Variants in EFL1 observed in about 807,000 individuals in gnomAD.
EFL1 encodes elongation factor-like GTPase 1.
In EFL1, 76 loss-of-function variants were observed where a neutral mutation model predicts 126.7. The observed-to-expected ratio is 0.60, with a 90% CI of 0.50 to 0.73. The LOEUF is 0.73. EFL1 is among the 30% of genes least tolerant of loss of function. The pLI is 0.00. For synonymous variants in EFL1, 410 were observed against 448.4 expected (o/e 0.91, Z 1.08); for missense variants, 1,128 against 1,343.2 (o/e 0.84, Z 2.50).
rs2074895846 is a variant in EFL1, at chr15:82,238,377, A to G, written c.661T>C (p.Ser221Pro). The G allele has an allele frequency of 5.0e-6, 8 of 1,614,216 alleles. No homozygotes were observed. The highest frequency in any genetic ancestry group is 6.8e-6 in the Non-Finnish European group (8 of 1,180,050). The change falls in exon 7 of 20, where the codon TCT becomes CCT. Residue 221 changes from serine to proline, a missense_variant. Ser to Pro is a moderately conservative substitution (Grantham distance 74). Transcript: ENST00000268206. ...TGTTCTGGAGAGAAGTAAAGGTGAGAATCATCTGTGTCCTCCAAGCCAGTG... is the reference window on the plus strand; with the variant it reads ...TGTTCTGGAGAGAAGTAAAGGTGAGGATCATCTGTGTCCTCCAAGCCAGTG... The part of the protein sequence containing the change: ...WSTGLEDTDD[S>P]HLYFSPEQGN...
At chr15:82,146,506 C>A (rs1427666349) in intron 18 of EFL1, among the ~76,000 whole-genome samples, 2 of 150,084 alleles carry the variant, frequency 1.3e-5, no homozygotes, top group African/African-American at 4.9e-5. Flanking sequence ...ACCCTGGACA[C>A]TAGAAATTGG....
chr15:82,150,702 T>C (rs1461888244), intron 18 of EFL1, among the ~76,000 whole-genome samples: 1 of 152,178 alleles, frequency 6.6e-6, no homozygotes, highest in Non-Finnish European at 1.5e-5. Flanking sequence ...GATATAATGG[T>C]TAGCAGTGAA....
intron 18 of EFL1, among the ~76,000 whole-genome samples, chr15:82,149,326 C>T (rs1168940895): frequency 6.6e-6 from 1 of 152,028 alleles, no homozygotes; most frequent in Non-Finnish European, 1.5e-5. Flanking sequence ...TACATGATTT[C>T]TACAGTCTAG....
chr15:82,174,686 G>A (rs1312827017), intron 15 of EFL1, among the ~76,000 whole-genome samples: 1 of 152,158 alleles, frequency 6.6e-6, no homozygotes, highest in East Asian at 1.9e-4. Flanking sequence ...TTCTGAGAGT[G>A]AGGAGTCTTA....
chr15:82,136,024 G>T (rs145409220), intron 19 of EFL1, among the ~76,000 whole-genome samples: 1 of 151,930 alleles, frequency 6.6e-6, no homozygotes, highest in East Asian at 1.9e-4. Flanking sequence ...TATATTTTGG[G>T]ATCCCTTTAT....
intron 7 of EFL1, among the ~76,000 whole-genome samples, chr15:82,231,270 A>C (rs1235687521): frequency 2.0e-5 from 3 of 152,214 alleles, no homozygotes; most frequent in Non-Finnish European, 4.4e-5. Context: ...AGATAAAATT[A>C]GGGACAAGAA....
rs1333524078 is a variant in EFL1 at position 82,230,912 on chromosome 15, A to C, written c.791T>G (p.Met264Arg). 20 of 1,613,436 alleles carry C rather than the reference A, an allele frequency of 1.2e-5. No individual in the cohort carries two copies. The African/African-American group carries it at 2.5e-4, about 20-fold the overall frequency. ...ATAGTAATCTCCCCACAAGGTTTTC[A>C]TAAGAACTTCCTTTTTGATGCCAAT... is the stretch of plus-strand genomic sequence containing the variant. ...QKIGIKKEVL[M>R]KTLWGDYYIN... The change falls in exon 8 of 20, where the codon ATG (methionine) becomes AGG (arginine). Residue 264 changes from methionine (M) to arginine (R), a missense_variant. Met to Arg is a moderately conservative substitution (Grantham distance 91, BLOSUM62 -1). This residue lies in a region of EFL1 where 316 missense variants were observed against 318.5 expected (regional missense o/e 0.99). Transcript: ENST00000268206.
At chr15:82,210,815 T>C (rs1334133560) in intron 15 of EFL1, among the ~76,000 whole-genome samples, 2 of 148,606 alleles carry the variant, frequency 1.3e-5, no homozygotes, top group Non-Finnish European at 1.5e-5. Context: ...TGAGCTAAGA[T>C]TGCACCATTG....
At chr15:82,193,475 T>G (rs1246309744) in intron 15 of EFL1, among the ~76,000 whole-genome samples, 1 of 152,190 alleles carries the variant, frequency 6.6e-6, no homozygotes, top group Non-Finnish European at 1.5e-5. Flanking sequence ...ATAACTATTT[T>G]CTAGTTATCA....
At chr15:82,208,393 T>C (rs2074548161) in intron 15 of EFL1, among the ~76,000 whole-genome samples, 1 of 152,236 alleles carries the variant, frequency 6.6e-6, no homozygotes, top group East Asian at 1.9e-4. Context: ...CTAGTGCAAC[T>C]GATGGGTAAA....
At chr15:82,145,236 G>A (rs2073831399) in intron 18 of EFL1, among the ~76,000 whole-genome samples, 1 of 150,156 alleles carries the variant, frequency 6.7e-6, no homozygotes, top group African/African-American at 2.5e-5. Flanking sequence ...CGGGAAGGTG[G>A]AGGTTGTGGT....
rs1429392936 is a variant in EFL1, at chr15:82,217,373, G to GGAA, written c.1611+2278_1611+2279insTTC. Among the ~76,000 whole-genome samples, 104 of 27,162 alleles carry GGAA rather than the reference G, an allele frequency of 3.8e-3. 2 individuals are homozygous for GGAA. Among genetic ancestry groups the GGAA allele is most frequent in the Non-Finnish European group, 5.2e-3 (75 of 14,504 alleles). 17.8% of individuals were successfully genotyped at this position (27,162 alleles called of 152,430 possible). A position where few individuals can be genotyped will look rare whatever the true frequency, so the allele number is the denominator to read the frequency against. On this transcript the variant is annotated intron_variant, in intron 14 of 19. Transcript: ENST00000268206. ...AATCAAGGTAGCATTGATTAGATTTGAAAAAAAAAAAAAAAAAAAAAACGA... is the reference window on the plus strand; with the variant it reads ...AATCAAGGTAGCATTGATTAGATTTGGAAAAAAAAAAAAAAAAAAAAAAAACGA...
intron 15 of EFL1, among the ~76,000 whole-genome samples, chr15:82,164,891 C>T (rs992199505): frequency 2.2e-5 from 3 of 137,048 alleles, no homozygotes; most frequent in African/African-American, 8.0e-5. Flanking sequence ...AGCGAGATTC[C>T]ACCTCAAAAA....
intron 15 of EFL1, among the ~76,000 whole-genome samples, chr15:82,181,622 A>ATG (rs35063141): frequency 0.22 from 32,353 of 149,302 alleles, 3,596 homozygotes; most frequent in South Asian, 0.38. Flanking sequence ...ATGTGTGTGC[A>ATG]TGTGTGTGTG....
chr15:82,235,041 G>C (rs2074858837), intron 7 of EFL1, among the ~76,000 whole-genome samples: 1 of 152,104 alleles, frequency 6.6e-6, no homozygotes, highest in South Asian at 2.1e-4. Flanking sequence ...GAGGCAATAA[G>C]AAGAAATAAG....
chr15:82,160,813 C>A (rs556969961), intron 16 of EFL1, among the ~76,000 whole-genome samples: 1 of 152,184 alleles, frequency 6.6e-6, no homozygotes, highest in African/African-American at 2.4e-5. Flanking sequence ...TGGCCTTGGG[C>A]AAATTAATTA....
At chr15:82,258,746 G>A (rs756586923) in intron 3 of EFL1, among the ~76,000 whole-genome samples, 1 of 152,110 alleles carries the variant, frequency 6.6e-6, no homozygotes, top group Non-Finnish European at 1.5e-5. Context: ...GCCTTTATCC[G>A]TCTTATTTCC....
At chr15:82,133,595 G>A (rs1445329205) in intron 19 of EFL1, among the ~76,000 whole-genome samples, 1 of 152,196 alleles carries the variant, frequency 6.6e-6, no homozygotes, top group African/African-American at 2.4e-5. Flanking sequence ...GGGGTGAATG[G>A]CACATAGGAC....
intron 15 of EFL1, among the ~76,000 whole-genome samples, chr15:82,182,419 A>G (rs1291506890): frequency 6.6e-6 from 1 of 152,230 alleles, no homozygotes; most frequent in Non-Finnish European, 1.5e-5. Context: ...TTCATGAAGC[A>G]CAGGGACAGT....
Sources: gnomAD v4.1 joint callset for allele counts (sites outside exome capture counted in the v4.1 genomes callset) on GRCh38, gnomAD v4.1.1 for gene constraint, gnomAD v4.1.1 regional missense constraint, MANE v1.5 for transcripts, NCBI Gene and HGNC (gene_info 2026-07-23, HGNC 2026-07-21) for gene names.